The following TMPRSS6 variants were observed in gnomAD, a reference collection of about 807,000 sequenced individuals.
TMPRSS6 encodes the protein transmembrane protease serine 6.
A neutral mutation model predicts 101.5 loss-of-function variants in TMPRSS6; 67 were observed. The observed-to-expected ratio is 0.66, with a 90% CI of 0.54 to 0.81. TMPRSS6 has a LOEUF of 0.81. Ranked by LOEUF, TMPRSS6 falls within the 30% of genes least tolerant of loss-of-function variation. TMPRSS6 has a pLI of 0.00. For synonymous variants in TMPRSS6, 453 were observed against 464.9 expected, an observed-to-expected ratio of 0.97 and a Z score of 0.33; for missense variants, 1,034 against 1,088.7, an observed-to-expected ratio of 0.95 and a Z score of 0.71.
intron 14 of TMPRSS6, 112 bp downstream of exon 14, chr22:37,070,804 G>A: frequency 7.6e-7 from 1 of 1,321,172 alleles, no homozygotes; most frequent in Non-Finnish European, 1.1e-6. Flanking sequence ...AGGGGGCAGA[G>A]GATGAGATAG....
chr22:37,074,812 C>T (rs995916391), intron 11 of TMPRSS6, 104 bp from the exon 12 acceptor site: 17 of 1,192,650 alleles, frequency 1.4e-5, no homozygotes, highest in African/African-American at 4.5e-5. Flanking sequence ...CTCACACGCG[C>T]ATGGACAGGC....
At chr22:37,106,426 C>T (rs941301731) in intron 1 of TMPRSS6, among the ~76,000 whole-genome samples, 2 of 152,020 alleles carry the variant, frequency 1.3e-5, no homozygotes, top group South Asian at 2.1e-4. Flanking sequence ...CTTCTCTATG[C>T]AGATTTTGCC....
chr22:37,085,374 C>T (rs1277591822), intron 8 of TMPRSS6, among the ~76,000 whole-genome samples: 1 of 152,168 alleles, frequency 6.6e-6, no homozygotes, highest in Non-Finnish European at 1.5e-5. Context: ...TGTCAGACTC[C>T]CAAGGGAACA....
At chr22:37,100,302 C>T (rs536857433) in intron 2 of TMPRSS6, among the ~76,000 whole-genome samples, 1 of 152,338 alleles carries the variant, frequency 6.6e-6, no homozygotes, top group Admixed American at 6.5e-5. Flanking sequence ...TAGAGGATTT[C>T]GTTTGCTTTA....
chr22:37,109,646 T>A lies in TMPRSS6; in HGVS notation c.-145A>T, dbSNP rs1930950172. On this transcript the variant is annotated 5_prime_UTR_variant, in exon 1 of 18. Transcript: ENST00000676104. ...CCATGACCAGGGTGTCTGGCCCTTG[T>A]CCCCTGTGGCCTGTGGCCTCAGGCT... is the stretch of plus-strand genomic sequence containing the variant. The A allele has an allele frequency of 6.6e-6, 1 of 152,214 alleles. No homozygotes were observed. The highest frequency in any genetic ancestry group is 6.5e-5 in the Admixed American group (1 of 15,280). 9.4% of individuals were successfully genotyped at this position (152,214 alleles called of 1,614,324 possible). A position where few individuals can be genotyped will look rare whatever the true frequency, so the allele number is the denominator to read the frequency against.
intron 6 of TMPRSS6, among the ~76,000 whole-genome samples, chr22:37,092,456 C>T (rs1166572685): frequency 6.7e-6 from 1 of 149,122 alleles, no homozygotes; most frequent in Admixed American, 6.7e-5. Context: ...GCCCCCCACC[C>T]CCACCCCCGA....
chr22:37,073,859 C>T (rs568723226), intron 12 of TMPRSS6, among the ~76,000 whole-genome samples: 2 of 152,340 alleles, frequency 1.3e-5, no homozygotes, highest in South Asian at 4.1e-4. Flanking sequence ...ATTCTCCTGC[C>T]TCAGACTCCC....
At chr22:37,082,885 T>TAAATTGCA (rs1759323501) in intron 10 of TMPRSS6, 15 of 448,294 alleles carry the variant, frequency 3.3e-5, no homozygotes, top group South Asian at 2.0e-4. Context: ...TAGTCCCAGA[T>TAAATTGCA]AAATTGCAAA....
rs1929747525 is a variant in TMPRSS6, at chr22:37,096,162, G to A, written c.405-72C>T. 3.3e-6 allele frequency: 5 copies of A among 1,527,664 alleles called. No homozygotes were observed. The Admixed American group carries it at 7.0e-5, about 21-fold the overall frequency. 94.6% of individuals were successfully genotyped at this position (1,527,664 alleles called of 1,614,324 possible). ...TGGCCCCAGCTCCACCCCTGCTCAT[G>A]CACATCGAGCACTTTCCGCACCTCA... On this transcript the variant is annotated intron_variant, in intron 4 of 17. Transcript: ENST00000676104.
chr22:37,099,493 C>G lies in TMPRSS6; in HGVS notation c.203-944G>C, dbSNP rs1488552674. ...AAGTGAAGAGGGTAGACTCACAGCC[C>G]TGGTTTACACCCCTATCCATTTACT... is the stretch of plus-strand genomic sequence containing the variant. On this transcript the variant is annotated intron_variant, in intron 2 of 17. Coordinates refer to ENST00000676104, the MANE Select transcript of TMPRSS6 (RefSeq NM_001374504.1). Among the ~76,000 whole-genome samples, 5 of 152,310 alleles carry G rather than the reference C, an allele frequency of 3.3e-5. No individual in the cohort carries two copies. In the South Asian group the frequency reaches 1.0e-3, roughly 32 times the overall value.
intron 13 of TMPRSS6, among the ~76,000 whole-genome samples, chr22:37,073,150 A>AGGTG (rs1569000357): frequency 2.6e-5 from 2 of 77,478 alleles, no homozygotes; most frequent in Non-Finnish European, 4.6e-5. Context: ...GTGGGTGGGT[A>AGGTG]GATGGGTGGG....
chr22:37,098,818 C>T (rs1203822522), intron 2 of TMPRSS6, among the ~76,000 whole-genome samples: 1 of 152,158 alleles, frequency 6.6e-6, no homozygotes, highest in Admixed American at 6.5e-5. Flanking sequence ...CAGGGAGAGG[C>T]TGACACAGTG....
At chr22:37,072,873 CATGGATGATGG>C (rs1927235497) in intron 13 of TMPRSS6, among the ~76,000 whole-genome samples, 1 of 66,912 alleles carries the variant, frequency 1.5e-5, no homozygotes, top group Non-Finnish European at 3.0e-5. Context: ...ATGGATGATG[CATGGATGATGG>C]ATGGATGAAT....
intron 11 of TMPRSS6, 116 bp from the exon 12 acceptor site, chr22:37,074,824 C>T (rs1927475295): frequency 3.6e-6 from 4 of 1,101,104 alleles, no homozygotes; most frequent in Non-Finnish European, 5.4e-6. Flanking sequence ...TGGACAGGCA[C>T]CCACAGACGT....
intron 15 of TMPRSS6, among the ~76,000 whole-genome samples, chr22:37,070,002 G>A (rs1926736778): frequency 6.6e-6 from 1 of 152,142 alleles, no homozygotes. Flanking sequence ...ATCTGTCTGG[G>A]GGTGGATTGG....
Position 37,086,435 on chromosome 22 carries a change from G to A in TMPRSS6, c.837-16C>T, listed in dbSNP as rs1928786808. 6.4e-7 allele frequency: 1 copy of A among 1,568,642 alleles called. No homozygotes were observed. The highest frequency in any genetic ancestry group is 8.6e-7 in the Non-Finnish European group (1 of 1,156,534). The stretch of plus-strand genomic sequence containing the variant: ...GCCGTACACCCTGGCAGAACAGAAA[G>A]GTGGCAAGGCTGGGCTGGGGTCTGG... On this transcript the variant is annotated splice_polypyrimidine_tract_variant and intron_variant, in intron 7 of 17. Coordinates refer to ENST00000676104, the MANE Select transcript of TMPRSS6 (RefSeq NM_001374504.1).
rs1410369524 is a variant in TMPRSS6, at chr22:37,103,596, T to A, written c.-1-178A>T. ...ACAGCTCACAGAGGAGGGAAGTGCA[T>A]CTCAGGTCAGCTCGCACCAGAGGGC... On this transcript the variant is annotated intron_variant, in intron 1 of 17. Coordinates refer to ENST00000676104, the MANE Select transcript of TMPRSS6 (RefSeq NM_001374504.1). The surrounding 1 kb of genome is among the most constrained non-coding windows in gnomAD (Gnocchi z 4.4). The A allele has an allele frequency of 6.2e-7, 1 of 1,611,824 alleles. No homozygotes were observed. The highest frequency in any genetic ancestry group is 1.3e-5 in the African/African-American group (1 of 74,994).
Position 37,089,786 on chromosome 22 carries a change from G to C in TMPRSS6, c.632-4C>G. On this transcript the variant is annotated splice_polypyrimidine_tract_variant and splice_region_variant and intron_variant, in intron 6 of 17. Coordinates refer to ENST00000676104, the MANE Select transcript of TMPRSS6 (RefSeq NM_001374504.1). ...ACGTAGCTGTAGCGGTAACAACCTG[G>C]AGCGGGGAGAGGGGCACAGCCCCTG... The C allele has an allele frequency of 6.2e-7, 1 of 1,610,764 alleles. No individual in the cohort carries two copies. Among genetic ancestry groups the C allele is most frequent in the Non-Finnish European group, 8.5e-7 (1 of 1,179,230 alleles).
At chr22:37,089,803 C>T in intron 6 of TMPRSS6, 21 bp from the exon 7 acceptor site, 1 of 1,605,496 alleles carries the variant, frequency 6.2e-7, no homozygotes, top group Admixed American at 1.7e-5. Context: ...GAGAGGGGCA[C>T]AGCCCCTGAT....
Sources: gnomAD v4.1 joint callset for allele counts (sites outside exome capture counted in the v4.1 genomes callset) on GRCh38, gnomAD v4.1.1 for gene constraint, Gnocchi (gnomAD v3.1) non-coding constraint, MANE v1.5 for transcripts, NCBI Gene and HGNC (gene_info 2026-07-23, HGNC 2026-07-21) for gene names.